ROR2: variants seen among roughly 807,000 people sequenced by gnomAD.
ROR2 encodes tyrosine-protein kinase transmembrane receptor ROR2.
ROR2 carries 33 observed loss-of-function variants against 74.9 expected under a neutral mutation model. That is an observed-to-expected ratio of 0.44 (90% confidence interval 0.33 to 0.59). The LOEUF (loss-of-function observed/expected upper bound fraction) is 0.59. Ranked by LOEUF, ROR2 falls within the 20% of genes least tolerant of loss-of-function variation. The pLI is 0.02. For missense variants in ROR2, 1,216 were observed against 1,313.8 expected, an observed-to-expected ratio of 0.93 and a Z score of 1.15; for synonymous variants, 586 against 558.7, an observed-to-expected ratio of 1.05 and a Z score of -0.69.
intron 2 of ROR2, among the ~76,000 whole-genome samples, chr9:91,757,971 T>C (rs1490441956): frequency 6.6e-6 from 1 of 152,208 alleles, no homozygotes; most frequent in Admixed American, 6.5e-5. Flanking sequence ...CCATAAGGCA[T>C]GTCGCAGCTT....
intron 2 of ROR2, among the ~76,000 whole-genome samples, chr9:91,762,765 A>G (rs1825953524): frequency 6.6e-6 from 1 of 152,214 alleles, no homozygotes; most frequent in Non-Finnish European, 1.5e-5. Flanking sequence ...GATGTGCTCC[A>G]TTTATTTTAA....
chr9:91,803,908 T>C (rs1490094054), intron 1 of ROR2, among the ~76,000 whole-genome samples: 1 of 152,242 alleles, frequency 6.6e-6, no homozygotes, highest in African/African-American at 2.4e-5. Flanking sequence ...TGCAACTCCA[T>C]GGCATAAAAC....
intron 1 of ROR2, among the ~76,000 whole-genome samples, chr9:91,793,129 TATCTCTA>T (rs1470595300): frequency 6.6e-6 from 1 of 152,180 alleles, no homozygotes; most frequent in Admixed American, 6.5e-5. Context: ...TATACATCAG[TATCTCTA>T]ATGAATATAG....
chr9:91,860,388 A>G (rs1829436180), intron 1 of ROR2, among the ~76,000 whole-genome samples: 1 of 152,224 alleles, frequency 6.6e-6, no homozygotes, highest in Non-Finnish European at 1.5e-5. Flanking sequence ...GGGGGAAGAT[A>G]GTCCATCTTT....
chr9:91,908,444 C>T (rs895911731), intron 1 of ROR2, among the ~76,000 whole-genome samples: 1 of 152,204 alleles, frequency 6.6e-6, no homozygotes, highest in Admixed American at 6.5e-5. Flanking sequence ...TCTTAACAAA[C>T]ACCCATCTAG....
At chr9:91,725,215 G>GA (rs1836985234) in intron 8 of ROR2, 108 bp from the exon 9 acceptor site, 1 of 1,585,032 alleles carries the variant, frequency 6.3e-7, no homozygotes, top group Non-Finnish European at 8.6e-7. Context: ...CGACTAGGGG[G>GA]GCCTTGCAGA....
chr9:91,773,277 C>CG (rs755144095), intron 2 of ROR2, among the ~76,000 whole-genome samples: 5 of 152,204 alleles, frequency 3.3e-5, no homozygotes, highest in Non-Finnish European at 5.9e-5. Context: ...GTTGGATTCT[C>CG]GGCCGTTAAT....
chr9:91,761,803 C>G (rs1825923064), intron 2 of ROR2, among the ~76,000 whole-genome samples: 1 of 152,172 alleles, frequency 6.6e-6, no homozygotes, highest in Admixed American at 6.6e-5. Context: ...TTGAAACTCA[C>G]CAGATCATCA....
At chr9:91,738,945 T>A (rs1345156463) in intron 4 of ROR2, among the ~76,000 whole-genome samples, 1 of 152,178 alleles carries the variant, frequency 6.6e-6, no homozygotes, top group Non-Finnish European at 1.5e-5. Context: ...ATGAAAGCCA[T>A]CATGATAAGT....
chr9:91,724,332 A>G lies in ROR2; in HGVS notation c.2162T>C (p.Val721Ala). 1.2e-6 allele frequency: 2 copies of G among 1,613,296 alleles called. No homozygotes were observed. The highest frequency in any genetic ancestry group is 1.7e-6 in the Non-Finnish European group (2 of 1,180,016). Reference protein sequence around the residue: ...LPCPDDCPAWVYALMIECWNE... With the variant: ...LPCPDDCPAWAYALMIECWNE... ...CCAGCACTCGATCATGAGGGCATAC[A>G]CCCAGGCGGGACAGTCATCGGGGCA... The change falls in exon 9 of 9, where the codon GTG becomes GCG. Residue 721 changes from valine (V) to alanine (A), a missense_variant. Coordinates refer to ENST00000375708, the MANE Select transcript of ROR2 (RefSeq NM_004560.4).
intron 1 of ROR2, among the ~76,000 whole-genome samples, chr9:91,876,896 G>A (rs1829970299): frequency 6.6e-6 from 1 of 152,070 alleles, no homozygotes; most frequent in African/African-American, 2.4e-5. Context: ...GACACGAAGA[G>A]CATCACCAAG....
At chr9:91,742,998 G>A (rs529449323) in intron 4 of ROR2, among the ~76,000 whole-genome samples, 7 of 152,162 alleles carry the variant, frequency 4.6e-5, no homozygotes, top group East Asian at 1.9e-4. Flanking sequence ...TGTAGCCTAG[G>A]AGCAACAGGC....
intron 1 of ROR2, among the ~76,000 whole-genome samples, chr9:91,872,235 T>C (rs1327971205): frequency 1.3e-5 from 2 of 152,330 alleles, no homozygotes; most frequent in African/African-American, 4.8e-5. Flanking sequence ...TGATATAACC[T>C]GAGTTTATGT....
At chr9:91,848,764 GA>G (rs36044426) in intron 1 of ROR2, among the ~76,000 whole-genome samples, 17,530 of 103,602 alleles carry the variant, frequency 0.17, 985 homozygotes, top group Middle Eastern at 0.2. Context: ...CAGGGGGGAA[GA>G]AAAAAAAAAA....
intron 1 of ROR2, among the ~76,000 whole-genome samples, chr9:91,858,374 AACAC>A (rs906869856): frequency 1.3e-5 from 2 of 152,022 alleles, no homozygotes; most frequent in East Asian, 1.9e-4. Flanking sequence ...CGAACGCACA[AACAC>A]ACACACATTC....
At chr9:91,888,579 A>G (rs1169121291) in intron 1 of ROR2, among the ~76,000 whole-genome samples, 1 of 152,148 alleles carries the variant, frequency 6.6e-6, no homozygotes. Flanking sequence ...CCAGGCTGGG[A>G]TGCGATTGAA....
intron 1 of ROR2, among the ~76,000 whole-genome samples, chr9:91,791,261 CTG>C (rs1826966757): frequency 6.6e-6 from 1 of 152,212 alleles, no homozygotes. Context: ...ACGAATACCA[CTG>C]TGTTATAATT....
chr9:91,818,782 A>T (rs567562415), intron 1 of ROR2, among the ~76,000 whole-genome samples: 18 of 152,254 alleles, frequency 1.2e-4, no homozygotes, highest in South Asian at 1.0e-3. Flanking sequence ...CGTGGAGAAC[A>T]GCCCACACAC....
In ROR2 at chr9:91,940,608, T is replaced by G. The variant is rs200293150; in HGVS notation, c.97+9259A>C. Among the ~76,000 whole-genome samples, 12 of 151,938 alleles carry G rather than the reference T, an allele frequency of 7.9e-5. No homozygotes were observed. The South Asian group carries it at 1.9e-3, about 24-fold the overall frequency. ...AACGTGCAATTCTTTTTTTTTTTTT[T>G]TCTTGAGACAGAGTCTTGCTCTGTC... On this transcript the variant is annotated intron_variant, in intron 1 of 8. Transcript: ENST00000375708.
Sources: gnomAD v4.1 joint callset for allele counts (sites outside exome capture counted in the v4.1 genomes callset) on GRCh38, gnomAD v4.1.1 for gene constraint, MANE v1.5 for transcripts, NCBI Gene and HGNC (gene_info 2026-07-23, HGNC 2026-07-21) for gene names.